The following CCSER1 variants were observed in gnomAD, a reference collection of about 807,000 sequenced individuals.
CCSER1 encodes the protein coiled-coil serine rich protein 1.
A neutral mutation model predicts 82.0 loss-of-function variants in CCSER1; 41 were observed. The observed-to-expected ratio is 0.50, with a 90% CI of 0.39 to 0.65. The LOEUF is 0.65. CCSER1 is among the 30% of genes least tolerant of loss of function. CCSER1 has a pLI of 0.00. For synonymous variants in CCSER1, 414 were observed against 383.9 expected, an observed-to-expected ratio of 1.08 and a Z score of -0.92; for missense variants, 1,119 against 1,064.2, an observed-to-expected ratio of 1.05 and a Z score of -0.72.
chr4:90,230,367 G>A (rs1744220258), intron 1 of CCSER1, among the ~76,000 whole-genome samples: 1 of 152,112 alleles, frequency 6.6e-6, no homozygotes, highest in African/African-American at 2.4e-5. Flanking sequence ...GCTCCTGAAT[G>A]ACTACTGGGT....
intron 9 of CCSER1, among the ~76,000 whole-genome samples, chr4:90,962,498 A>G (rs971867453): frequency 6.6e-6 from 1 of 152,168 alleles, no homozygotes; most frequent in African/African-American, 2.4e-5. Flanking sequence ...GTAAAATAAA[A>G]GAGTATTTGA....
chr4:91,230,179 T>C (rs1738514842), intron 10 of CCSER1, among the ~76,000 whole-genome samples: 1 of 152,098 alleles, frequency 6.6e-6, no homozygotes, highest in Non-Finnish European at 1.5e-5. Flanking sequence ...AGAAAAACTA[T>C]ACCACATAAC....
At chr4:90,906,722 A>G (rs1725531089) in intron 8 of CCSER1, among the ~76,000 whole-genome samples, 2 of 152,040 alleles carry the variant, frequency 1.3e-5, no homozygotes, top group Admixed American at 6.6e-5. Context: ...TCTTTATCAT[A>G]TATTCAAGAT....
At chr4:91,440,034 C>A (rs1434948651) in intron 10 of CCSER1, among the ~76,000 whole-genome samples, 2 of 151,930 alleles carry the variant, frequency 1.3e-5, no homozygotes, top group African/African-American at 4.8e-5. Flanking sequence ...TAACACCCCA[C>A]TGTCAACATT....
At chr4:90,289,327 T>G (rs1730491372) in intron 1 of CCSER1, among the ~76,000 whole-genome samples, 1 of 151,966 alleles carries the variant, frequency 6.6e-6, no homozygotes, top group Admixed American at 6.6e-5. Context: ...TTGTTAATGG[T>G]TAACTTTTAG....
intron 9 of CCSER1, among the ~76,000 whole-genome samples, chr4:91,022,884 G>C (rs1397819947): frequency 6.6e-6 from 1 of 151,954 alleles, no homozygotes; most frequent in African/African-American, 2.4e-5. Flanking sequence ...AAATTTGTTT[G>C]AGTTCATTGT....
At chr4:90,342,495 C>T (rs1462574447) in intron 3 of CCSER1, among the ~76,000 whole-genome samples, 1 of 152,114 alleles carries the variant, frequency 6.6e-6, no homozygotes, top group Non-Finnish European at 1.5e-5. Context: ...AATGAGAGTT[C>T]TACTCACTCA....
At position 90,551,706 on chromosome 4, in the gene CCSER1, C is replaced by CTCTCTCTCTATATATA; in HGVS notation, c.1725-76318_1725-76317insCTCTCTCTATATATAT. Reference sequence around the variant, plus strand: ...TCTCTCTCTCTCTCTCTCTCTCTCTCTATATATATATATATATATATGTAA... The same window carrying CTCTCTCTCTATATATA: ...TCTCTCTCTCTCTCTCTCTCTCTCTCTCTCTCTCTATATATATATATATATATATATATATATGTAA... On this transcript the variant is annotated intron_variant, in intron 5 of 10. Coordinates refer to ENST00000509176, the MANE Select transcript of CCSER1 (RefSeq NM_001145065.2). Among the ~76,000 whole-genome samples, 164 of 104,198 alleles carry CTCTCTCTCTATATATA rather than the reference C, an allele frequency of 1.6e-3. 1 individual carries two copies. Among genetic ancestry groups the CTCTCTCTCTATATATA allele is most frequent in the African/African-American group, 3.8e-3 (83 of 21,922 alleles). 68.4% of individuals were successfully genotyped at this position (104,198 alleles called of 152,430 possible). A position where few individuals can be genotyped will look rare whatever the true frequency, so the allele number is the denominator to read the frequency against.
At chr4:90,530,329 G>T (rs1774346012) in intron 5 of CCSER1, among the ~76,000 whole-genome samples, 1 of 152,068 alleles carries the variant, frequency 6.6e-6, no homozygotes, top group Admixed American at 6.6e-5. Flanking sequence ...GATATTGGTG[G>T]GCAAGGGGAG....
At chr4:90,208,483 G>C (rs1560800515) in intron 1 of CCSER1, among the ~76,000 whole-genome samples, 1 of 151,388 alleles carries the variant, frequency 6.6e-6, no homozygotes, top group African/African-American at 2.4e-5. Context: ...TGGCTCCCTG[G>C]CTTCAGCCCC....
chr4:91,255,597 G>A (rs974651028), intron 10 of CCSER1, among the ~76,000 whole-genome samples: 2 of 152,194 alleles, frequency 1.3e-5, no homozygotes, highest in Non-Finnish European at 2.9e-5. Flanking sequence ...AGTGTTGCAG[G>A]AAGTCAGGGA....
chr4:91,032,708 T>C (rs1310839823), intron 9 of CCSER1, among the ~76,000 whole-genome samples: 2 of 152,220 alleles, frequency 1.3e-5, no homozygotes, highest in Non-Finnish European at 2.9e-5. Flanking sequence ...ATTATATTTC[T>C]TAATTGTTAT....
At chr4:90,325,694 C>T (rs1314205306) in intron 3 of CCSER1, 2 of 434,748 alleles carry the variant, frequency 4.6e-6, no homozygotes, top group African/African-American at 4.0e-5. Flanking sequence ...AGGTGACAGT[C>T]ACTGGAATCT....
chr4:90,432,236 GTCTT>G (rs1758372019), intron 4 of CCSER1, among the ~76,000 whole-genome samples: 1 of 152,062 alleles, frequency 6.6e-6, no homozygotes, highest in African/African-American at 2.4e-5. Context: ...ATAAAATAAA[GTCTT>G]AATCAGAGGC....
At chr4:90,185,779 A>C (rs1445456047) in intron 1 of CCSER1, among the ~76,000 whole-genome samples, 3 of 136,776 alleles carry the variant, frequency 2.2e-5, no homozygotes, top group African/African-American at 4.9e-5. Flanking sequence ...ATATGTAATT[A>C]AATTTAAAAT....
At chr4:91,251,445 A>C (rs1272227393) in intron 10 of CCSER1, among the ~76,000 whole-genome samples, 2 of 152,196 alleles carry the variant, frequency 1.3e-5, no homozygotes, top group Admixed American at 6.5e-5. Context: ...GGGAGGGGAC[A>C]CAAGTATTCA....
At chr4:90,913,643 A>G (rs56198327) in intron 8 of CCSER1, among the ~76,000 whole-genome samples, 7,902 of 152,302 alleles carry the variant, frequency 0.052, 234 homozygotes, top group South Asian at 0.079. Flanking sequence ...ACATAACAAT[A>G]TTAACCTTAA....
At chr4:90,643,855 A>AT (rs1727014446) in intron 6 of CCSER1, among the ~76,000 whole-genome samples, 1 of 152,162 alleles carries the variant, frequency 6.6e-6, no homozygotes, top group South Asian at 2.1e-4. Context: ...GTTAGATTTC[A>AT]TTTGTGTCTG....
intron 10 of CCSER1, among the ~76,000 whole-genome samples, chr4:91,238,180 T>C (rs1166657232): frequency 1.3e-5 from 2 of 152,096 alleles, no homozygotes; most frequent in Non-Finnish European, 2.9e-5. Context: ...GACATAATTC[T>C]GGGTGGATCT....
Sources: gnomAD v4.1 joint callset for allele counts (sites outside exome capture counted in the v4.1 genomes callset) on GRCh38, gnomAD v4.1.1 for gene constraint, MANE v1.5 for transcripts, NCBI Gene and HGNC (gene_info 2026-07-23, HGNC 2026-07-21) for gene names.